Variants in NRXN3 observed in about 807,000 individuals in gnomAD.
The protein encoded by NRXN3 is neurexin III.
A neutral mutation model predicts 137.6 loss-of-function variants in NRXN3; 32 were observed. The observed-to-expected ratio is 0.23, with a 90% CI of 0.18 to 0.31. The LOEUF is 0.31. Ranked by LOEUF, NRXN3 falls within the 10% of genes least tolerant of loss-of-function variation. NRXN3 has a pLI of 1.00. For missense variants in NRXN3, 1,574 were observed against 2,062.5 expected (o/e 0.76, Z 4.59); for synonymous variants, 798 against 784.5 (o/e 1.02, Z -0.29).
intron 8 of NRXN3, among the ~76,000 whole-genome samples, chr14:78,743,756 G>A (rs1351715740): frequency 1.3e-5 from 2 of 152,200 alleles, no homozygotes; most frequent in African/African-American, 2.4e-5. Context: ...TGTATGCCGA[G>A]TAGGAAATGT....
At chr14:79,791,463 A>G (rs2099144836) in intron 19 of NRXN3, among the ~76,000 whole-genome samples, 1 of 146,982 alleles carries the variant, frequency 6.8e-6, no homozygotes, top group Non-Finnish European at 1.5e-5. Context: ...AATAATTATA[A>G]TAATAATTAT....
chr14:79,579,351 T>TATATATATATATAAAATATATTTC (rs1567560870), intron 16 of NRXN3, among the ~76,000 whole-genome samples: 1 of 69,250 alleles, frequency 1.4e-5, no homozygotes, highest in South Asian at 7.1e-4. Context: ...ATATATTTCA[T>TATATATATATATAAAATATATTTC]ATATATATAT....
At chr14:78,236,250 T>C (rs2066285941) in intron 1 of NRXN3, among the ~76,000 whole-genome samples, 1 of 152,196 alleles carries the variant, frequency 6.6e-6, no homozygotes. Context: ...TTCACCCCTT[T>C]GCCTTCTTCT....
chr14:79,043,206 A>C (rs2099627851), intron 15 of NRXN3, among the ~76,000 whole-genome samples: 2 of 152,206 alleles, frequency 1.3e-5, no homozygotes, highest in South Asian at 4.1e-4. Context: ...TGTACAATTT[A>C]TTGCCCTATG....
chr14:79,210,915 T>C (rs999110304), intron 15 of NRXN3, among the ~76,000 whole-genome samples: 3 of 152,160 alleles, frequency 2.0e-5, no homozygotes, highest in African/African-American at 7.2e-5. Context: ...TAAACGATCC[T>C]TTTTCTCTTT....
At chr14:78,669,578 T>C (rs1161428351) in intron 6 of NRXN3, among the ~76,000 whole-genome samples, 1 of 152,096 alleles carries the variant, frequency 6.6e-6, no homozygotes, top group Non-Finnish European at 1.5e-5. Flanking sequence ...TTATTACAGG[T>C]CTGAGGCCTG....
chr14:78,536,584 GC>G (rs1318407512), intron 4 of NRXN3, among the ~76,000 whole-genome samples: 5 of 151,538 alleles, frequency 3.3e-5, no homozygotes, highest in African/African-American at 1.2e-4. Flanking sequence ...AAATAAACAT[GC>G]CTGAGACCTA....
intron 10 of NRXN3, among the ~76,000 whole-genome samples, chr14:78,837,732 A>AT (rs1458924148): frequency 6.6e-6 from 1 of 152,008 alleles, no homozygotes; most frequent in Non-Finnish European, 1.5e-5. Flanking sequence ...TCTTAATTCG[A>AT]TTTTGTATTG....
chr14:79,779,101 A>G (rs1038725206), intron 19 of NRXN3, among the ~76,000 whole-genome samples: 1 of 152,178 alleles, frequency 6.6e-6, no homozygotes, highest in Non-Finnish European at 1.5e-5. Context: ...ATTAATGGCA[A>G]TGAATTGTTG....
intron 15 of NRXN3, among the ~76,000 whole-genome samples, chr14:79,121,042 G>A (rs976974518): frequency 1.3e-5 from 2 of 152,120 alleles, no homozygotes; most frequent in African/African-American, 4.8e-5. Flanking sequence ...CATTACAGAT[G>A]GAATGCAGCA....
chr14:79,062,027 T>C (rs943425249), intron 15 of NRXN3, among the ~76,000 whole-genome samples: 1 of 152,212 alleles, frequency 6.6e-6, no homozygotes, highest in African/African-American at 2.4e-5. Flanking sequence ...TCTTTGTCAC[T>C]ACTGAAGCAT....
intron 16 of NRXN3, among the ~76,000 whole-genome samples, chr14:79,490,422 A>G (rs933181244): frequency 1.3e-5 from 2 of 152,238 alleles, no homozygotes; most frequent in African/African-American, 4.8e-5. Context: ...CTAAGTGTCC[A>G]TTAACAGATG....
At chr14:79,188,688 T>C (rs1328733064) in intron 15 of NRXN3, among the ~76,000 whole-genome samples, 1 of 152,218 alleles carries the variant, frequency 6.6e-6, no homozygotes, top group Non-Finnish European at 1.5e-5. Context: ...CATAATGTGA[T>C]TGCTTTGGAA....
intron 4 of NRXN3, among the ~76,000 whole-genome samples, chr14:78,520,020 G>A (rs1390071405): frequency 6.6e-6 from 1 of 152,180 alleles, no homozygotes; most frequent in Non-Finnish European, 1.5e-5. Flanking sequence ...TCTTTCAAAT[G>A]CCTCTGAAAC....
At chr14:78,280,956 GT>G (rs1219960017) in intron 3 of NRXN3, among the ~76,000 whole-genome samples, 3 of 152,194 alleles carry the variant, frequency 2.0e-5, no homozygotes, top group African/African-American at 7.2e-5. Context: ...GCCCAGGGAA[GT>G]TAAATGATGT....
At chr14:78,552,973 G>T (rs2096706768) in intron 4 of NRXN3, among the ~76,000 whole-genome samples, 1 of 151,930 alleles carries the variant, frequency 6.6e-6, no homozygotes, top group African/African-American at 2.4e-5. Context: ...CATATATCTT[G>T]AAACTATGTA....
At position 78,943,618 on chromosome 14, in the gene NRXN3, AAAAATATATATATATAT is replaced by A. The variant is rs1370109048; in HGVS notation, c.2276-13622_2276-13606del. Reference sequence around the variant, plus strand: ...AGAAGCAAGATCACTGTTAAAAAAAAAAAATATATATATATATATATATATATATATATATATATATA... The same window carrying A: ...AGAAGCAAGATCACTGTTAAAAAAAAATATATATATATATATATATATATA... On this transcript the variant is annotated intron_variant, in intron 10 of 20. Transcript: ENST00000335750. Among the ~76,000 whole-genome samples the A allele has an allele frequency of 5.8e-4, 23 of 39,950 alleles. 2 individuals are homozygous for A. Among genetic ancestry groups the A allele is most frequent in the African/African-American group, 2.4e-3 (20 of 8,246 alleles). The allele number at this position is 39,950 out of a possible 152,430, so 26.2% of individuals were successfully genotyped here. A position where few individuals can be genotyped will look rare whatever the true frequency, so the allele number is the denominator to read the frequency against.
chr14:79,762,674 T>G (rs948498772), intron 19 of NRXN3, among the ~76,000 whole-genome samples: 22 of 151,676 alleles, frequency 1.5e-4, no homozygotes, highest in African/African-American at 5.4e-4. Flanking sequence ...CTTATAGAAT[T>G]GTTGTGAGGA....
intron 20 of NRXN3, among the ~76,000 whole-genome samples, chr14:79,826,230 T>C (rs1482755374): frequency 6.6e-6 from 1 of 152,112 alleles, no homozygotes; most frequent in East Asian, 1.9e-4. Context: ...TGGCCTCAGG[T>C]GATCTGCCTG....
Sources: gnomAD v4.1 joint callset for allele counts (sites outside exome capture counted in the v4.1 genomes callset) on GRCh38, gnomAD v4.1.1 for gene constraint, MANE v1.5 for transcripts, NCBI Gene and HGNC (gene_info 2026-07-23, HGNC 2026-07-21) for gene names.